The following NRG2 variants were observed in gnomAD, a reference collection of about 807,000 sequenced individuals.
NRG2 encodes pro-neuregulin-2, membrane-bound isoform.
NRG2 carries 27 observed loss-of-function variants against 73.9 expected under a neutral mutation model. The ratio of observed to expected loss-of-function variants is 0.37; its 90% CI spans 0.27 to 0.50. The LOEUF is 0.50. NRG2 is among the 20% of genes least tolerant of loss of function. NRG2 has a pLI of 0.96. For synonymous variants in NRG2, 532 were observed against 541.0 expected (o/e 0.98, Z 0.23); for missense variants, 1,126 against 1,210.1 (o/e 0.93, Z 1.03).
intron 1 of NRG2, among the ~76,000 whole-genome samples, chr5:140,031,903 C>G (rs1362123603): frequency 6.6e-6 from 1 of 151,954 alleles, no homozygotes; most frequent in Non-Finnish European, 1.5e-5. Flanking sequence ...AATACTTCAG[C>G]CAAGCAGACA....
intron 1 of NRG2, among the ~76,000 whole-genome samples, chr5:140,016,896 T>G (rs1160199200): frequency 6.6e-6 from 1 of 152,148 alleles, no homozygotes. Flanking sequence ...ATGTTGCTGA[T>G]GAAGTCAGCA....
chr5:139,999,757 A>AGAAT (rs1758294329), intron 1 of NRG2, among the ~76,000 whole-genome samples: 1 of 152,216 alleles, frequency 6.6e-6, no homozygotes. Context: ...AAATCCAAGG[A>AGAAT]GAATGACAGG....
chr5:139,866,237 A>G (rs1762462433), intron 4 of NRG2, among the ~76,000 whole-genome samples: 1 of 152,240 alleles, frequency 6.6e-6, no homozygotes, highest in Admixed American at 6.5e-5. Context: ...TAGGAAATAC[A>G]TTCTCAGGGT....
rs533558272 is a variant in NRG2 at position 139,891,980 on chromosome 5, A to G, written c.701-4469T>C. On this transcript the variant is annotated intron_variant, in intron 1 of 9. Transcript: ENST00000361474. The stretch of plus-strand genomic sequence containing the variant: ...CACGTTCTTTACAGAGTTTTCTTTT[A>G]TAGCTCTTAACGGTTCCTCGGAATC... Among the ~76,000 whole-genome samples the G allele has an allele frequency of 3.5e-4, 54 of 152,336 alleles. No individual in the cohort carries two copies. The Middle Eastern group carries it at 0.014, about 38-fold the overall frequency.
intron 1 of NRG2, among the ~76,000 whole-genome samples, chr5:139,944,492 G>T (rs75936080): frequency 1.9e-4 from 29 of 152,128 alleles, no homozygotes; most frequent in African/African-American, 6.0e-4. Flanking sequence ...TTCCACATAT[G>T]AGTGAGAATG....
intron 1 of NRG2, among the ~76,000 whole-genome samples, chr5:140,028,445 G>A (rs551222091): frequency 6.6e-6 from 1 of 152,288 alleles, no homozygotes; most frequent in Non-Finnish European, 1.5e-5. Context: ...TATTTGGTGT[G>A]GAGGACAGAT....
chr5:139,876,150 A>G (rs544690050), intron 3 of NRG2, among the ~76,000 whole-genome samples: 2 of 152,370 alleles, frequency 1.3e-5, no homozygotes, highest in South Asian at 2.1e-4. Flanking sequence ...AAAATGTGGT[A>G]TGTCTATACA....
chr5:139,876,215 C>T (rs59955273), intron 3 of NRG2, among the ~76,000 whole-genome samples: 24,608 of 152,094 alleles, frequency 0.16, 2,091 homozygotes, highest in Middle Eastern at 0.24. Context: ...TGCTACAACA[C>T]GGATGAACCT....
chr5:139,951,485 G>A (rs973187440), intron 1 of NRG2, among the ~76,000 whole-genome samples: 17 of 152,190 alleles, frequency 1.1e-4, no homozygotes, highest in African/African-American at 3.9e-4. Context: ...CAGGAAGAGG[G>A]GACCCTGGAA....
chr5:139,872,399 G>A (rs1463567078), intron 3 of NRG2, among the ~76,000 whole-genome samples: 1 of 152,148 alleles, frequency 6.6e-6, no homozygotes, highest in Non-Finnish European at 1.5e-5. Flanking sequence ...GGGGGTAGGA[G>A]GAACCCTAGC....
intron 1 of NRG2, among the ~76,000 whole-genome samples, chr5:139,919,106 C>G (rs1751479515): frequency 6.6e-6 from 1 of 152,096 alleles, no homozygotes; most frequent in Non-Finnish European, 1.5e-5. Flanking sequence ...GTAGAGGAGC[C>G]AGGCCAGGTT....
chr5:139,891,761 G>A (rs189956944), intron 1 of NRG2, among the ~76,000 whole-genome samples: 1 of 152,236 alleles, frequency 6.6e-6, no homozygotes, highest in Admixed American at 6.5e-5. Context: ...TGGAGAGGTA[G>A]GTAGGGCCCA....
intron 1 of NRG2, among the ~76,000 whole-genome samples, chr5:139,966,351 T>A (rs1056348872): frequency 6.6e-6 from 1 of 152,182 alleles, no homozygotes; most frequent in African/African-American, 2.4e-5. Context: ...TGAGGATCCC[T>A]CCACGAAACA....
At chr5:139,962,870 C>G (rs1197397920) in intron 1 of NRG2, among the ~76,000 whole-genome samples, 1 of 152,154 alleles carries the variant, frequency 6.6e-6, no homozygotes, top group Non-Finnish European at 1.5e-5. Flanking sequence ...GACCAGATAC[C>G]AACAAATCAG....
chr5:139,895,677 C>T (rs1764503994), intron 1 of NRG2, among the ~76,000 whole-genome samples: 1 of 152,244 alleles, frequency 6.6e-6, no homozygotes, highest in Admixed American at 6.5e-5. Context: ...TTATAAACCA[C>T]ACTCTGTCTA....
chr5:139,900,088 C>G lies in NRG2; in HGVS notation c.701-12577G>C, dbSNP rs139972792. Reference sequence around the variant, plus strand: ...TTTCTACTTCTAAGAAGTCCCTTTTCTTTCCCTGGTAAGTTCCTATTCACC... The same window carrying G: ...TTTCTACTTCTAAGAAGTCCCTTTTGTTTCCCTGGTAAGTTCCTATTCACC... On this transcript the variant is annotated intron_variant, in intron 1 of 9. Coordinates refer to ENST00000361474, the MANE Select transcript of NRG2 (RefSeq NM_004883.3). Among the ~76,000 whole-genome samples the G allele has an allele frequency of 3.7e-4, 56 of 152,308 alleles. No homozygotes were observed. The East Asian group carries it at 0.01, about 28-fold the overall frequency.
At chr5:139,878,492 A>G (rs1763324984) in intron 3 of NRG2, among the ~76,000 whole-genome samples, 1 of 152,136 alleles carries the variant, frequency 6.6e-6, no homozygotes, top group Non-Finnish European at 1.5e-5. Context: ...GGCCCATTTT[A>G]CAGTAGGAAA....
chr5:139,968,765 G>A (rs1016724610), intron 1 of NRG2, among the ~76,000 whole-genome samples: 1 of 152,236 alleles, frequency 6.6e-6, no homozygotes, highest in African/African-American at 2.4e-5. Flanking sequence ...AGCCCAGCAA[G>A]AACCCAGCTC....
At chr5:139,930,384 C>T (rs919695222) in intron 1 of NRG2, among the ~76,000 whole-genome samples, 1 of 152,090 alleles carries the variant, frequency 6.6e-6, no homozygotes, top group Non-Finnish European at 1.5e-5. Context: ...CTAAAGAATC[C>T]CTGCAAAGAG....
Sources: gnomAD v4.1 joint callset for allele counts (sites outside exome capture counted in the v4.1 genomes callset) on GRCh38, gnomAD v4.1.1 for gene constraint, MANE v1.5 for transcripts, NCBI Gene and HGNC (gene_info 2026-07-23, HGNC 2026-07-21) for gene names.